Variants in ITGAX observed in about 807,000 individuals in gnomAD.
The protein encoded by ITGAX is integrin alpha-X.
In ITGAX, 99 loss-of-function variants were observed where a neutral mutation model predicts 140.2. That is an observed-to-expected ratio of 0.71 (90% CI 0.60 to 0.83). ITGAX has a LOEUF of 0.83. Among genes scored for constraint, ITGAX ranks in the 40% least tolerant of loss-of-function variants. ITGAX has a pLI of 0.00. For synonymous variants in ITGAX, 631 were observed against 600.4 expected (o/e 1.05, Z -0.75); for missense variants, 1,444 against 1,482.0 (o/e 0.97, Z 0.42).
chr16:31,372,786 C>T (rs1247263805), intron 19 of ITGAX, 116 bp downstream of exon 19: 3 of 1,030,614 alleles, frequency 2.9e-6, no homozygotes, highest in Non-Finnish European at 4.4e-6. Context: ...ACCCAGGTGT[C>T]TTGGCTGGGC....
At chr16:31,355,830 G>A in intron 1 of ITGAX, 63 bp from the exon 2 acceptor site, 2 of 1,311,982 alleles carry the variant, frequency 1.5e-6, no homozygotes, top group Admixed American at 1.8e-5. Flanking sequence ...GGGGCCGGGG[G>A]TGGAGGGCAG....
intron 14 of ITGAX, among the ~76,000 whole-genome samples, chr16:31,368,770 G>C (rs1207379456): frequency 2.0e-5 from 3 of 151,794 alleles, no homozygotes; most frequent in Non-Finnish European, 4.4e-5. Flanking sequence ...CGCAGTGTTT[G>C]TGTCCCTGGG....
At chr16:31,380,124 A>G (rs2081054859) in intron 26 of ITGAX, 59 bp downstream of exon 26, 1 of 1,574,710 alleles carries the variant, frequency 6.4e-7, no homozygotes, top group South Asian at 1.1e-5. Flanking sequence ...AATTTAACCC[A>G]GGAGTTCATG....
In ITGAX at chr16:31,357,126, G is replaced by C. The variant is rs781654631; in HGVS notation, c.318+25G>C. The stretch of plus-strand genomic sequence containing the variant: ...GGTGAGTGGCCCTGGGTCACAGGAG[G>C]CTTCTGAGGGAGGGAGGGAGGAGCC... On this transcript the variant is annotated intron_variant, in intron 4 of 29. Coordinates refer to ENST00000268296, the MANE Select transcript of ITGAX (RefSeq NM_000887.5). 3.8e-6 allele frequency: 6 copies of C among 1,599,538 alleles called. No individual in the cohort carries two copies. In the East Asian group the frequency reaches 1.3e-4, roughly 36 times the overall value.
At chr16:31,361,607 T>TG (rs1597065989) in intron 9 of ITGAX, 3 of 716,978 alleles carry the variant, frequency 4.2e-6, no homozygotes, top group Non-Finnish European at 7.4e-6. Flanking sequence ...TGTAGACCTG[T>TG]GGGGGGCCCT....
chr16:31,364,426 CAAAAAAA>C (rs56776715), intron 14 of ITGAX, among the ~76,000 whole-genome samples: 3 of 42,432 alleles, frequency 7.1e-5, no homozygotes, highest in African/African-American at 1.4e-4. Flanking sequence ...AATCCCGTGT[CAAAAAAA>C]AAAAAAAAAA....
At chr16:31,367,831 A>G (rs1486420328) in intron 14 of ITGAX, among the ~76,000 whole-genome samples, 1 of 152,240 alleles carries the variant, frequency 6.6e-6, no homozygotes, top group Non-Finnish European at 1.5e-5. Context: ...TATAGCTGCC[A>G]TAGATAGTGA....
chr16:31,375,515 A>G (rs2081011950), intron 20 of ITGAX, among the ~76,000 whole-genome samples: 1 of 152,238 alleles, frequency 6.6e-6, no homozygotes, highest in Admixed American at 6.5e-5. Context: ...CAGGGAACAG[A>G]CAAAGACACA....
chr16:31,361,158 T>C lies in ITGAX; in HGVS notation c.957T>C (p.Phe319=). ...SQEHIFKVED[F]DALKDIQNQL... Reference sequence around the variant, plus strand: ...AACACATATTTAAAGTGGAGGACTTTGATGCTCTGAAAGATATTCAAAACC... The same window carrying C: ...AACACATATTTAAAGTGGAGGACTTCGATGCTCTGAAAGATATTCAAAACC... Residue 319 remains phenylalanine (F), a synonymous_variant, in exon 9 of 30, where the codon TTT becomes TTC. Transcript: ENST00000268296. 1 of 1,613,902 alleles carries C rather than the reference T, an allele frequency of 6.2e-7. No individual in the cohort carries two copies. Among genetic ancestry groups the C allele is most frequent in the Non-Finnish European group, 8.5e-7 (1 of 1,179,890 alleles).
chr16:31,381,508 T>C (rs1567309886), intron 29 of ITGAX, among the ~76,000 whole-genome samples: 1 of 152,054 alleles, frequency 6.6e-6, no homozygotes, highest in Non-Finnish European at 1.5e-5. Context: ...CAGCCTGGCC[T>C]ACCTGGTGAA....
rs533928230 is a variant in ITGAX at position 31,380,570 on chromosome 16, C to A, written c.3222C>A (p.Phe1074Leu). Residue 1074 changes from phenylalanine (F) to leucine (L), a missense_variant, in exon 28 of 30, where the codon TTC becomes TTA. Physicochemically the swap from Phe to Leu is conservative, Grantham distance 22 (BLOSUM62 0). Transcript: ENST00000268296. ...TCGTGAGTGTGGCTGAAATTACGTT[C>A]GACACATCCGTGTACTCCCAGCTTC... ...VSVVSVAEIT[F>L]DTSVYSQLPG... The A allele has an allele frequency of 3.1e-6, 5 of 1,614,226 alleles. No homozygotes were observed. Among genetic ancestry groups the A allele is most frequent in the African/African-American group, 2.7e-5 (2 of 75,044 alleles).
At chr16:31,371,948 C>G (rs965962762) in intron 17 of ITGAX, among the ~76,000 whole-genome samples, 164 bp downstream of exon 17, 1 of 152,272 alleles carries the variant, frequency 6.6e-6, no homozygotes, top group South Asian at 2.1e-4. Flanking sequence ...AGTGAGCGAG[C>G]AAACAAGTGA....
intron 29 of ITGAX, 84 bp downstream of exon 29, chr16:31,381,091 A>G (rs2081065450): frequency 3.7e-6 from 4 of 1,069,388 alleles, no homozygotes; most frequent in East Asian, 4.8e-5. Flanking sequence ...CTTTGAAGGC[A>G]GAGGCACATT....
chr16:31,363,074 G>T lies in ITGAX; in HGVS notation c.1499G>T (p.Gly500Val), dbSNP rs753972813. 1.2e-5 allele frequency: 20 copies of T among 1,610,294 alleles called. No homozygotes were observed. Among genetic ancestry groups the T allele is most frequent in the East Asian group, 2.2e-5 (1 of 44,866 alleles). ...GTGTCTGTGTGTCCCTTGCCCAGGG[G>T]GGTGAGTGGCTGATGGGCCTGGGGT... ...GQVSVCPLPR[G>V]WRRWWCDAVL... Residue 500 changes from glycine to valine, a missense_variant and splice_region_variant, in exon 13 of 30, where the codon GGG becomes GTG. Physicochemically the swap from Gly to Val is moderately radical, Grantham distance 109. Transcript: ENST00000268296.
intron 11 of ITGAX, among the ~76,000 whole-genome samples, 169 bp downstream of exon 11, chr16:31,362,373 G>C (rs2080839023): frequency 7.0e-6 from 1 of 142,156 alleles, no homozygotes; most frequent in Non-Finnish European, 1.5e-5. Context: ...GTTCTGGGGA[G>C]GGGGGATGGG....
chr16:31,379,519 C>A, intron 23 of ITGAX, 49 bp from the exon 24 acceptor site: 1 of 1,524,810 alleles, frequency 6.6e-7, no homozygotes, highest in Non-Finnish European at 8.9e-7. Context: ...ATGCCTTCTG[C>A]AGATGCCCCA....
At position 31,362,762 on chromosome 16, in the gene ITGAX, T is replaced by C. The variant is rs1427304449; in HGVS notation, c.1359+9T>C. ...AAGTCACGGGGACTCAGGTTGGGCG[T>C]GACAGGAGCCAGAGGGGAGGATGAG... On this transcript the variant is annotated intron_variant, in intron 12 of 29. Coordinates refer to ENST00000268296, the MANE Select transcript of ITGAX (RefSeq NM_000887.5). The C allele has an allele frequency of 1.2e-6, 2 of 1,610,902 alleles. No individual in the cohort carries two copies. Among genetic ancestry groups the C allele is most frequent in the Non-Finnish European group, 1.7e-6 (2 of 1,179,008 alleles).
chr16:31,379,142 T>TGA (rs1006888151), intron 23 of ITGAX, among the ~76,000 whole-genome samples: 4 of 150,944 alleles, frequency 2.6e-5, no homozygotes, highest in Non-Finnish European at 5.9e-5. Context: ...TGTTTTTTTT[T>TGA]GAGAGAGAGA....
chr16:31,361,370 T>A, intron 9 of ITGAX, 157 bp downstream of exon 9: 4 of 871,606 alleles, frequency 4.6e-6, no homozygotes, highest in Non-Finnish European at 7.3e-6. Context: ...CCCACTGACG[T>A]CCCCCAGCAC....
Sources: allele counts gnomAD v4.1 joint callset (sites outside exome capture counted in the v4.1 genomes callset), GRCh38; gene constraint gnomAD v4.1.1; transcripts MANE v1.5; gene names NCBI Gene and HGNC (gene_info 2026-07-23, HGNC 2026-07-21).